Variants in CCSER1 observed in about 807,000 individuals in gnomAD.
CCSER1 encodes serine-rich coiled-coil domain-containing protein 1.
Under a neutral mutation model 82.0 loss-of-function variants are expected in CCSER1, and 41 were observed. The observed-to-expected ratio is 0.50, with a 90% confidence interval of 0.39 to 0.65. The LOEUF is 0.65. Among genes scored for constraint, CCSER1 ranks in the 30% least tolerant of loss-of-function variants. The pLI is 0.00. For synonymous variants in CCSER1, 414 were observed against 383.9 expected, an observed-to-expected ratio of 1.08 and a Z score of -0.92; for missense variants, 1,119 against 1,064.2, an observed-to-expected ratio of 1.05 and a Z score of -0.72.
chr4:90,721,171 A>C (rs898724351), intron 6 of CCSER1, among the ~76,000 whole-genome samples: 1 of 151,928 alleles, frequency 6.6e-6, no homozygotes, highest in African/African-American at 2.4e-5. Context: ...TTAAATAGAA[A>C]TAGAAAGGGA....
chr4:91,019,828 T>A (rs968964790), intron 9 of CCSER1, among the ~76,000 whole-genome samples: 1 of 152,152 alleles, frequency 6.6e-6, no homozygotes, highest in Non-Finnish European at 1.5e-5. Context: ...AGCATAATGG[T>A]TTTGCCCATA....
At chr4:90,917,728 T>TA (rs913926252) in intron 8 of CCSER1, among the ~76,000 whole-genome samples, 5 of 151,952 alleles carry the variant, frequency 3.3e-5, no homozygotes, top group African/African-American at 4.8e-5. Context: ...AATAAACACC[T>TA]AAAAAAAATC....
intron 10 of CCSER1, among the ~76,000 whole-genome samples, chr4:91,120,819 T>G (rs1039049416): frequency 1.3e-5 from 2 of 151,694 alleles, no homozygotes; most frequent in Non-Finnish European, 2.9e-5. Context: ...GAGATGGAGG[T>G]AGAAAAATGA....
chr4:90,312,921 A>G lies in CCSER1; in HGVS notation c.1383A>G (p.Arg461=). ...GAAGATTTATAGAGAGGAGACTGCG[A>G]TCCTCGTCAGAAGGCACTGCAGGGA... The part of the protein sequence containing the change: ...REGRFIERRL[R]SSSEGTAGSS... Residue 461 remains arginine (R), a synonymous_variant, in exon 3 of 11, where the codon CGA becomes CGG. Coordinates refer to ENST00000509176, the MANE Select transcript of CCSER1 (RefSeq NM_001145065.2). 1 of 1,587,248 alleles carries G rather than the reference A, an allele frequency of 6.3e-7. No homozygotes were observed. The highest frequency in any genetic ancestry group is 8.6e-7 in the Non-Finnish European group (1 of 1,165,490).
At chr4:90,177,831 T>C (rs572275460) in intron 1 of CCSER1, among the ~76,000 whole-genome samples, 13 of 152,108 alleles carry the variant, frequency 8.5e-5, no homozygotes, top group Non-Finnish European at 1.5e-4. Flanking sequence ...TGCACAGCTC[T>C]GGTTGTTTTG....
chr4:91,369,885 T>A (rs944476123), intron 10 of CCSER1, among the ~76,000 whole-genome samples: 1 of 151,524 alleles, frequency 6.6e-6, no homozygotes, highest in East Asian at 1.9e-4. Context: ...TTTCACCATG[T>A]TGGCCAGGAT....
At chr4:90,514,767 A>C (rs1204380653) in intron 5 of CCSER1, among the ~76,000 whole-genome samples, 3 of 152,190 alleles carry the variant, frequency 2.0e-5, no homozygotes, top group African/African-American at 7.2e-5. Context: ...AAATAAAAAA[A>C]AAGAAAATAT....
intron 10 of CCSER1, among the ~76,000 whole-genome samples, chr4:91,335,604 T>C (rs1315811378): frequency 6.6e-6 from 1 of 152,074 alleles, no homozygotes; most frequent in Non-Finnish European, 1.5e-5. Flanking sequence ...AGAAGGGGTA[T>C]TATAATAATA....
chr4:90,560,045 C>G (rs999632435), intron 5 of CCSER1, among the ~76,000 whole-genome samples: 1 of 151,816 alleles, frequency 6.6e-6, no homozygotes, highest in South Asian at 2.1e-4. Flanking sequence ...TTCACAGTTA[C>G]GATAATAGCC....
chr4:91,463,036 T>C (rs1756604117), intron 10 of CCSER1, among the ~76,000 whole-genome samples: 1 of 152,152 alleles, frequency 6.6e-6, no homozygotes, highest in South Asian at 2.1e-4. Context: ...CAGCTGGAGA[T>C]ATGAGAACGG....
intron 1 of CCSER1, among the ~76,000 whole-genome samples, chr4:90,192,552 A>G (rs1735854930): frequency 6.6e-6 from 1 of 152,068 alleles, no homozygotes; most frequent in Non-Finnish European, 1.5e-5. Flanking sequence ...GACCTTGTAA[A>G]AGACATTTAC....
At chr4:90,951,822 A>G (rs1405032175) in intron 9 of CCSER1, among the ~76,000 whole-genome samples, 2 of 152,076 alleles carry the variant, frequency 1.3e-5, no homozygotes, top group African/African-American at 4.8e-5. Flanking sequence ...AGAAAGTTGT[A>G]TTTTCTAAGG....
At chr4:90,546,972 C>G (rs6815696) in intron 5 of CCSER1, among the ~76,000 whole-genome samples, 23,210 of 151,782 alleles carry the variant, frequency 0.15, 1,904 homozygotes, top group Non-Finnish European at 0.17. Context: ...AGTGTTCTCT[C>G]TGTGAATATT....
chr4:91,461,142 G>A (rs1756477954), intron 10 of CCSER1, among the ~76,000 whole-genome samples: 1 of 152,096 alleles, frequency 6.6e-6, no homozygotes. Flanking sequence ...AGGATCTCAA[G>A]TTTTTGGCAT....
chr4:90,996,211 T>C (rs1331282017), intron 9 of CCSER1, among the ~76,000 whole-genome samples: 3 of 152,130 alleles, frequency 2.0e-5, no homozygotes, highest in African/African-American at 7.2e-5. Flanking sequence ...TAGATGTGTG[T>C]CGTAGAAAGG....
At chr4:90,195,714 A>C (rs1436701755) in intron 1 of CCSER1, among the ~76,000 whole-genome samples, 1 of 152,108 alleles carries the variant, frequency 6.6e-6, no homozygotes, top group Non-Finnish European at 1.5e-5. Context: ...AACTGCTCTA[A>C]AAAATAAAAT....
intron 1 of CCSER1, among the ~76,000 whole-genome samples, chr4:90,303,088 G>C (rs1326673379): frequency 6.6e-6 from 1 of 152,082 alleles, no homozygotes; most frequent in African/African-American, 2.4e-5. Flanking sequence ...ACCTCTAGTA[G>C]ATTTATATCT....
chr4:90,360,647 C>A (rs1745228252), intron 3 of CCSER1, among the ~76,000 whole-genome samples: 1 of 147,802 alleles, frequency 6.8e-6, no homozygotes, highest in Non-Finnish European at 1.5e-5. Flanking sequence ...AACGTAGAAG[C>A]TTCGTCGTTC....
chr4:90,916,878 G>C (rs1727526701), intron 8 of CCSER1, among the ~76,000 whole-genome samples: 2 of 149,636 alleles, frequency 1.3e-5, no homozygotes, highest in Non-Finnish European at 3.0e-5. Flanking sequence ...CTTCTCAAAA[G>C]AAGACGTCTA....
Sources: gnomAD v4.1 joint callset for allele counts (sites outside exome capture counted in the v4.1 genomes callset) on GRCh38, gnomAD v4.1.1 for gene constraint, MANE v1.5 for transcripts, NCBI Gene and HGNC (gene_info 2026-07-23, HGNC 2026-07-21) for gene names.